Variants in PTCHD4 observed in about 807,000 individuals in gnomAD.
PTCHD4 encodes the protein patched domain containing 4.
In PTCHD4, 33 loss-of-function variants were observed where a neutral mutation model predicts 58.1. The ratio of observed to expected loss-of-function variants is 0.57; its 90% confidence interval spans 0.43 to 0.76. PTCHD4 has a LOEUF of 0.76. Ranked by LOEUF, PTCHD4 falls within the 30% of genes least tolerant of loss-of-function variation. The probability of loss-of-function intolerance (pLI) is 0.00; values close to 1 mark genes in which losing one functional copy is unlikely to be tolerated. For missense variants in PTCHD4, 1,058 were observed against 1,027.1 expected (o/e 1.03, Z -0.41); for synonymous variants, 478 against 409.6 (o/e 1.17, Z -2.02).
intron 4 of PTCHD4, among the ~76,000 whole-genome samples, chr6:47,931,430 G>T (rs1765818615): frequency 6.6e-6 from 1 of 152,166 alleles, no homozygotes; most frequent in Admixed American, 6.5e-5. Context: ...ACACAGCATT[G>T]TGAACGCACA....
At chr6:47,902,666 A>G (rs527480168) in intron 4 of PTCHD4, among the ~76,000 whole-genome samples, 2 of 152,328 alleles carry the variant, frequency 1.3e-5, no homozygotes, top group South Asian at 4.1e-4. Flanking sequence ...AATTTTTCTT[A>G]CTGTGGCCTC....
At chr6:48,022,379 C>T (rs562056798) in intron 3 of PTCHD4, among the ~76,000 whole-genome samples, 16 of 151,770 alleles carry the variant, frequency 1.1e-4, no homozygotes, top group Non-Finnish European at 2.1e-4. Context: ...TTTATCTTTG[C>T]TAAATTACCT....
intron 4 of PTCHD4, among the ~76,000 whole-genome samples, chr6:47,992,078 GACA>G (rs1768299251): frequency 6.6e-6 from 1 of 151,976 alleles, no homozygotes; most frequent in Non-Finnish European, 1.5e-5. Context: ...CAATTTACCA[GACA>G]CATATGGAAA....
chr6:48,106,990 A>G (rs1432253535), intron 1 of PTCHD4, among the ~76,000 whole-genome samples: 2 of 152,228 alleles, frequency 1.3e-5, no homozygotes, highest in African/African-American at 4.8e-5. Flanking sequence ...GCTCGTGGGT[A>G]GGAAGAATCA....
At chr6:48,041,998 A>T (rs1190405451) in intron 3 of PTCHD4, among the ~76,000 whole-genome samples, 1 of 152,084 alleles carries the variant, frequency 6.6e-6, no homozygotes, top group Non-Finnish European at 1.5e-5. Context: ...GCATATTGAC[A>T]AATTAATTAG....
Position 48,069,757 on chromosome 6 carries a change from T to A in PTCHD4, c.-800A>T, listed in dbSNP as rs539843424. On this transcript the variant is annotated 5_prime_UTR_variant, in exon 2 of 5. The change creates a new upstream start codon in the 5' untranslated region. Coordinates refer to ENST00000339488, the MANE Select transcript of PTCHD4 (RefSeq NM_001384253.1). ...CATGTTACATTCACTTTCTGTATTC[T>A]TGAGATTAAAGGACAGAAAGTTCCT... Among the ~76,000 whole-genome samples the A allele has an allele frequency of 2.6e-5, 4 of 152,306 alleles. No homozygotes were observed. The East Asian group carries it at 7.7e-4, about 29-fold the overall frequency.
At chr6:47,966,635 G>A (rs1196918913) in intron 4 of PTCHD4, among the ~76,000 whole-genome samples, 3 of 152,122 alleles carry the variant, frequency 2.0e-5, no homozygotes, top group Non-Finnish European at 4.4e-5. Flanking sequence ...CCTTTCCACT[G>A]CTTTCTCAAT....
Position 47,858,333 on chromosome 6 carries a change from A to G in PTCHD4, c.*19970T>C, listed in dbSNP as rs979940366. Among the ~76,000 whole-genome samples, 1 of 152,034 alleles carries G rather than the reference A, an allele frequency of 6.6e-6. No individual in the cohort carries two copies. The highest frequency in any genetic ancestry group is 2.1e-4 in the South Asian group (1 of 4,836). ...TAAATTTCTTCTGTAGAACAAAGTA[A>G]TGTGTATGAAAGACAATTAGATATA... On this transcript the variant is annotated 3_prime_UTR_variant, in exon 5 of 5. Transcript: ENST00000339488.
rs1763482255 is a variant in PTCHD4, at chr6:47,863,493, G to A, written c.*14810C>T. Among the ~76,000 whole-genome samples, 1 of 151,902 alleles carries A rather than the reference G, an allele frequency of 6.6e-6. No homozygotes were observed. Among genetic ancestry groups the A allele is most frequent in the South Asian group, 2.1e-4 (1 of 4,830 alleles). On this transcript the variant is annotated 3_prime_UTR_variant, in exon 5 of 5. Coordinates refer to ENST00000339488, the MANE Select transcript of PTCHD4 (RefSeq NM_001384253.1). ...CTGACACATACCCTACATTCTTAGG[G>A]TTGTGAGATTTAGCAAGTAAAAATG...
At chr6:48,096,419 C>A (rs1343714444) in intron 1 of PTCHD4, among the ~76,000 whole-genome samples, 1 of 151,968 alleles carries the variant, frequency 6.6e-6, no homozygotes, top group Non-Finnish European at 1.5e-5. Context: ...CAAGACCAGC[C>A]TGGACGAAAT....
chr6:47,895,617 G>A (rs544607730), intron 4 of PTCHD4, among the ~76,000 whole-genome samples: 9 of 152,124 alleles, frequency 5.9e-5, no homozygotes, highest in Non-Finnish European at 1.3e-4. Flanking sequence ...CTACATGAGA[G>A]CACATTCAAC....
chr6:47,886,865 G>A (rs1764208659), intron 4 of PTCHD4, among the ~76,000 whole-genome samples: 1 of 151,976 alleles, frequency 6.6e-6, no homozygotes, highest in African/African-American at 2.4e-5. Flanking sequence ...AACACTTTCC[G>A]CTTGCCCTAC....
chr6:47,898,510 C>T (rs1764593329), intron 4 of PTCHD4, among the ~76,000 whole-genome samples: 1 of 151,998 alleles, frequency 6.6e-6, no homozygotes, highest in Admixed American at 6.6e-5. Flanking sequence ...AAGCATGGGG[C>T]CAGCAAAAGA....
intron 4 of PTCHD4, among the ~76,000 whole-genome samples, chr6:47,917,473 C>T (rs900071132): frequency 4.6e-5 from 7 of 152,148 alleles, no homozygotes; most frequent in Non-Finnish European, 7.3e-5. Flanking sequence ...CTCAAAAACA[C>T]AAGGACACTA....
chr6:47,963,062 G>A (rs938557525), intron 4 of PTCHD4, among the ~76,000 whole-genome samples: 2 of 152,010 alleles, frequency 1.3e-5, no homozygotes, highest in African/African-American at 4.8e-5. Flanking sequence ...CCGGGAGGCA[G>A]AGGTTGCAGT....
rs1391671000 is a variant in PTCHD4, at chr6:47,872,687, T to C, written c.*5616A>G. ...ATAATTTAAGATAGTGCAAAATCAG[T>C]GATAGTTTCCTTTATAAATACTTTA... On this transcript the variant is annotated 3_prime_UTR_variant, in exon 5 of 5. Transcript: ENST00000339488. Among the ~76,000 whole-genome samples the C allele has an allele frequency of 6.6e-6, 1 of 151,690 alleles. No homozygotes were observed. Among genetic ancestry groups the C allele is most frequent in the East Asian group, 1.9e-4 (1 of 5,156 alleles).
At chr6:47,924,301 A>G (rs1385377274) in intron 4 of PTCHD4, among the ~76,000 whole-genome samples, 1 of 152,126 alleles carries the variant, frequency 6.6e-6, no homozygotes, top group South Asian at 2.1e-4. Context: ...TTCACTTTAG[A>G]GTGAACATGA....
At chr6:48,016,348 GT>G (rs968338914) in intron 3 of PTCHD4, among the ~76,000 whole-genome samples, 1 of 151,976 alleles carries the variant, frequency 6.6e-6, no homozygotes, top group Non-Finnish European at 1.5e-5. Flanking sequence ...CCATTGATGA[GT>G]TTTAAGCAAG....
At chr6:48,084,662 G>A (rs747564368) in intron 1 of PTCHD4, among the ~76,000 whole-genome samples, 8 of 151,724 alleles carry the variant, frequency 5.3e-5, no homozygotes, top group Non-Finnish European at 1.0e-4. Context: ...TAATTCTACA[G>A]GAATATCTAA....
Sources: gnomAD v4.1 joint callset for allele counts (sites outside exome capture counted in the v4.1 genomes callset) on GRCh38, gnomAD v4.1.1 for gene constraint, MANE v1.5 for transcripts, NCBI Gene and HGNC (gene_info 2026-07-23, HGNC 2026-07-21) for gene names.